Variants in SMYD3 observed in about 807,000 individuals in gnomAD.
SMYD3 encodes the protein SET and MYND domain containing 3, also known as histone-lysine N-methyltransferase SMYD3.
Under a neutral mutation model 57.7 loss-of-function variants are expected in SMYD3, and 36 were observed. That is an observed-to-expected ratio of 0.62 (90% confidence interval 0.48 to 0.82). The LOEUF is 0.82. Among genes scored for constraint, SMYD3 ranks in the 40% least tolerant of loss-of-function variants. The probability of loss-of-function intolerance (pLI) is 0.00; values close to 1 mark genes in which losing one functional copy is unlikely to be tolerated. For synonymous variants in SMYD3, 211 were observed against 195.0 expected (o/e 1.08, Z -0.68); for missense variants, 515 against 538.8 (o/e 0.96, Z 0.44).
intron 5 of SMYD3, among the ~76,000 whole-genome samples, chr1:246,017,161 ATTC>A (rs1295461433): frequency 1.3e-5 from 2 of 152,264 alleles, no homozygotes; most frequent in Admixed American, 6.5e-5. Context: ...ATTAATTTTT[ATTC>A]TTTTTTTTTA....
intron 1 of SMYD3, among the ~76,000 whole-genome samples, chr1:246,496,985 T>C (rs1393129009): frequency 1.3e-5 from 2 of 152,248 alleles, no homozygotes; most frequent in African/African-American, 2.4e-5. Flanking sequence ...CAACTAGTAA[T>C]GGCTCTGTCC....
intron 5 of SMYD3, among the ~76,000 whole-genome samples, chr1:246,175,490 T>TA (rs2062416856): frequency 6.6e-6 from 1 of 152,156 alleles, no homozygotes; most frequent in Non-Finnish European, 1.5e-5. Context: ...GACTTGAAAA[T>TA]CCCTCTACCA....
At chr1:246,494,027 A>C (rs2068317228) in intron 1 of SMYD3, among the ~76,000 whole-genome samples, 1 of 152,112 alleles carries the variant, frequency 6.6e-6, no homozygotes, top group South Asian at 2.1e-4. Flanking sequence ...TCCTAACTGG[A>C]ATCCTCATCT....
intron 8 of SMYD3, among the ~76,000 whole-genome samples, chr1:245,894,138 C>T (rs575108346): frequency 6.6e-6 from 1 of 152,250 alleles, no homozygotes; most frequent in Admixed American, 6.5e-5. Flanking sequence ...TAAAATGCAC[C>T]AGCTGGTGCT....
chr1:246,384,722 T>C (rs979906755), intron 1 of SMYD3, among the ~76,000 whole-genome samples: 2 of 152,132 alleles, frequency 1.3e-5, no homozygotes, highest in Admixed American at 1.3e-4. Context: ...TATGTGTGTA[T>C]ATATATCAAT....
chr1:246,201,974 T>C (rs552724519), intron 5 of SMYD3, among the ~76,000 whole-genome samples: 4 of 151,214 alleles, frequency 2.6e-5, no homozygotes, highest in East Asian at 2.0e-4. Context: ...GATCATGCCA[T>C]TGCACTCCAG....
chr1:246,254,532 A>T (rs1266042811), intron 5 of SMYD3, among the ~76,000 whole-genome samples: 1 of 152,116 alleles, frequency 6.6e-6, no homozygotes, highest in African/African-American at 2.4e-5. Flanking sequence ...TGTTTTGGTT[A>T]TTGTACCCTT....
chr1:246,307,371 G>GTTTCCCA (rs565085432), intron 5 of SMYD3, among the ~76,000 whole-genome samples: 369 of 148,030 alleles, frequency 2.5e-3, no homozygotes, highest in Non-Finnish European at 3.8e-3. Context: ...CTACAGCCAC[G>GTTTCCCA]TTTCCCATTT....
chr1:245,813,186 T>G (rs967345128), intron 10 of SMYD3, among the ~76,000 whole-genome samples: 5 of 151,946 alleles, frequency 3.3e-5, no homozygotes, highest in Non-Finnish European at 7.4e-5. Flanking sequence ...GGCTAATTTT[T>G]GTATTTTTAG....
At chr1:245,861,581 C>G (rs12134076) in intron 9 of SMYD3, among the ~76,000 whole-genome samples, 84,545 of 152,022 alleles carry the variant, frequency 0.56, 26,674 homozygotes, top group Non-Finnish European at 0.73. Flanking sequence ...TGCCACCTTC[C>G]CCTCCTCTCA....
chr1:246,140,848 G>T (rs540699712), intron 5 of SMYD3, among the ~76,000 whole-genome samples: 2 of 151,998 alleles, frequency 1.3e-5, no homozygotes, highest in Non-Finnish European at 2.9e-5. Context: ...TCCCCTCTCC[G>T]CCTCCTGAGT....
chr1:246,170,593 C>G (rs1341691621), intron 5 of SMYD3, among the ~76,000 whole-genome samples: 1 of 151,982 alleles, frequency 6.6e-6, no homozygotes, highest in Admixed American at 6.6e-5. Flanking sequence ...AAATATAAAT[C>G]AATTTACACA....
At chr1:246,405,724 C>T (rs981781357) in intron 1 of SMYD3, among the ~76,000 whole-genome samples, 15 of 151,740 alleles carry the variant, frequency 9.9e-5, no homozygotes, top group Admixed American at 2.6e-4. Flanking sequence ...CTGGCTAATA[C>T]GATGAAACCC....
At chr1:245,799,288 G>A (rs1023190886) in intron 10 of SMYD3, among the ~76,000 whole-genome samples, 1 of 152,176 alleles carries the variant, frequency 6.6e-6, no homozygotes, top group Non-Finnish European at 1.5e-5. Flanking sequence ...CAGCAGCTCA[G>A]CAGGAAGGTC....
chr1:246,330,019 A>C (rs1006002571), intron 4 of SMYD3, among the ~76,000 whole-genome samples: 1 of 152,148 alleles, frequency 6.6e-6, no homozygotes, highest in Non-Finnish European at 1.5e-5. Context: ...AGTTTCAGAG[A>C]AGAATGATGC....
At chr1:246,165,075 G>A (rs144419424) in intron 5 of SMYD3, among the ~76,000 whole-genome samples, 15 of 152,294 alleles carry the variant, frequency 9.8e-5, no homozygotes, top group Admixed American at 5.9e-4. Context: ...TGGTGTCACC[G>A]AAGCCCAGGG....
At chr1:246,293,858 G>C (rs1226722232) in intron 5 of SMYD3, among the ~76,000 whole-genome samples, 1 of 152,124 alleles carries the variant, frequency 6.6e-6, no homozygotes, top group Non-Finnish European at 1.5e-5. Context: ...AAGCACTCAT[G>C]ACTCTAAGGT....
At chr1:245,901,201 G>A (rs956564565) in intron 8 of SMYD3, among the ~76,000 whole-genome samples, 1 of 152,130 alleles carries the variant, frequency 6.6e-6, no homozygotes, top group African/African-American at 2.4e-5. Flanking sequence ...GTCAGACTTG[G>A]TTTTGCCACT....
In SMYD3 at chr1:246,033,115, CTTTA is replaced by C. The variant is rs145717856; in HGVS notation, c.532-103182_532-103179del. 8.0e-3 allele frequency among the ~76,000 whole-genome samples: 1,219 copies of C among 152,124 alleles called. 17 individuals carry two copies. The highest frequency in any genetic ancestry group is 0.027 in the African/African-American group (1,132 of 41,490). Reference sequence around the variant, plus strand: ...ACCAGTGCATGAATGTTTACAGCAACTTTATTTATAGTAATAAAAAACTGGAAGC... The same window carrying C: ...ACCAGTGCATGAATGTTTACAGCAACTTTATAGTAATAAAAAACTGGAAGC... On this transcript the variant is annotated intron_variant, in intron 5 of 11. Coordinates refer to ENST00000490107, the MANE Select transcript of SMYD3 (RefSeq NM_001167740.2).
Sources: allele counts gnomAD v4.1 joint callset (sites outside exome capture counted in the v4.1 genomes callset), GRCh38; gene constraint gnomAD v4.1.1; transcripts MANE v1.5; gene names NCBI Gene and HGNC (gene_info 2026-07-23, HGNC 2026-07-21).